NPAS2: variants seen among roughly 807,000 people sequenced by gnomAD.
NPAS2 encodes neuronal PAS domain-containing protein 2.
NPAS2 carries 23 observed loss-of-function variants against 107.5 expected under a neutral mutation model. The ratio of observed to expected loss-of-function variants is 0.21; its 90% CI spans 0.15 to 0.30. The LOEUF is 0.30. NPAS2 is among the 10% of genes least tolerant of loss of function. NPAS2 has a pLI of 1.00. For missense variants in NPAS2, 756 were observed against 1,043.3 expected (o/e 0.72, Z 3.79); for synonymous variants, 403 against 417.5 (o/e 0.97, Z 0.42).
chr2:100,876,757 G>C (rs1312508253), intron 1 of NPAS2, among the ~76,000 whole-genome samples: 1 of 152,074 alleles, frequency 6.6e-6, no homozygotes, highest in African/African-American at 2.4e-5. Flanking sequence ...TCGCCTGTCT[G>C]GAAAACAGGT....
Position 100,988,066 on chromosome 2 carries a change from A to G in NPAS2, c.1630-13A>G, listed in dbSNP as rs375730402. On this transcript the variant is annotated splice_polypyrimidine_tract_variant and intron_variant, in intron 16 of 20. Coordinates refer to ENST00000335681, the MANE Select transcript of NPAS2 (RefSeq NM_002518.4). ...TGACCCCAACTTCACAGGCATTTCT[A>G]TTCTGCTCCCAGATGTTCCTGCAGC... 9.9e-6 allele frequency: 16 copies of G among 1,613,096 alleles called. No individual in the cohort carries two copies. The African/African-American group carries it at 1.5e-4, about 15-fold the overall frequency.
At position 100,881,507 on chromosome 2, in the gene NPAS2, G is replaced by A. The variant is rs189438505; in HGVS notation, c.-22-23226G>A. On this transcript the variant is annotated intron_variant, in intron 1 of 20. Transcript: ENST00000335681. Reference sequence around the variant, plus strand: ...TTGAGACCAGGCTGGCCAACGTGGCGAAACCCCATCTCTAGTAAAAATACA... The same window carrying A: ...TTGAGACCAGGCTGGCCAACGTGGCAAAACCCCATCTCTAGTAAAAATACA... Among the ~76,000 whole-genome samples the A allele has an allele frequency of 1.1e-3, 166 of 152,288 alleles. 1 individual carries two copies. The highest frequency in any genetic ancestry group is 3.8e-3 in the African/African-American group (158 of 41,574).
chr2:100,831,874 A>T (rs570246507), intron 1 of NPAS2, among the ~76,000 whole-genome samples: 9 of 152,214 alleles, frequency 5.9e-5, no homozygotes, highest in Middle Eastern at 6.8e-3. Flanking sequence ...CCTGCATTTT[A>T]CATCTCCTTC....
chr2:100,843,307 T>C (rs1677565321), intron 1 of NPAS2, among the ~76,000 whole-genome samples: 1 of 152,100 alleles, frequency 6.6e-6, no homozygotes, highest in South Asian at 2.1e-4. Context: ...CTGATCAAAG[T>C]CCAAAGTCTC....
At chr2:100,930,468 G>A (rs1017057762) in intron 3 of NPAS2, among the ~76,000 whole-genome samples, 1 of 152,176 alleles carries the variant, frequency 6.6e-6, no homozygotes, top group African/African-American at 2.4e-5. Context: ...AGTAGAATTT[G>A]GGGGGTTGGC....
At chr2:100,943,733 A>T (rs1674718901) in intron 5 of NPAS2, among the ~76,000 whole-genome samples, 1 of 152,224 alleles carries the variant, frequency 6.6e-6, no homozygotes, top group Admixed American at 6.5e-5. Context: ...CTACTCAGGG[A>T]TGAGCAGAAA....
intron 2 of NPAS2, among the ~76,000 whole-genome samples, chr2:100,916,018 T>C (rs776154615): frequency 6.6e-6 from 1 of 152,164 alleles, no homozygotes; most frequent in Non-Finnish European, 1.5e-5. Flanking sequence ...TGATAAAATA[T>C]TCTAAGTGGA....
At chr2:100,834,933 T>G (rs928869278) in intron 1 of NPAS2, among the ~76,000 whole-genome samples, 4 of 152,242 alleles carry the variant, frequency 2.6e-5, no homozygotes, top group African/African-American at 7.2e-5. Flanking sequence ...CAGGCTGGTC[T>G]CAAACTCCTG....
chr2:100,992,220 T>A (rs1678175432), intron 19 of NPAS2, among the ~76,000 whole-genome samples: 1 of 152,192 alleles, frequency 6.6e-6, no homozygotes, highest in Non-Finnish European at 1.5e-5. Flanking sequence ...TCAAGACCAG[T>A]CTGGCCAACA....
In NPAS2 at chr2:100,839,131, ATTG is replaced by A. The variant is rs528640837; in HGVS notation, c.-23+18729_-23+18731del. On this transcript the variant is annotated intron_variant, in intron 1 of 20. Coordinates refer to ENST00000335681, the MANE Select transcript of NPAS2 (RefSeq NM_002518.4). The stretch of plus-strand genomic sequence containing the variant: ...GAGGATGAAGACTTGTTTTGTTGTT[ATTG>A]TTGTTGTTGTTTTTGAGACAGTCTC... Among the ~76,000 whole-genome samples, 20 of 151,592 alleles carry A rather than the reference ATTG, an allele frequency of 1.3e-4. No individual in the cohort carries two copies. The East Asian group carries it at 1.4e-3, about 10-fold the overall frequency.
intron 7 of NPAS2, among the ~76,000 whole-genome samples, chr2:100,961,041 T>C (rs1675887055): frequency 6.6e-6 from 1 of 152,096 alleles, no homozygotes; most frequent in Non-Finnish European, 1.5e-5. Flanking sequence ...ATATTGTGAG[T>C]GGTCAGAGAT....
intron 1 of NPAS2, among the ~76,000 whole-genome samples, chr2:100,899,647 G>A (rs753251402): frequency 6.6e-6 from 1 of 152,120 alleles, no homozygotes. Context: ...TGCATTTTCT[G>A]TAAATCTAAA....
At chr2:100,947,798 T>C (rs996750414) in intron 5 of NPAS2, among the ~76,000 whole-genome samples, 2 of 152,218 alleles carry the variant, frequency 1.3e-5, no homozygotes, top group African/African-American at 4.8e-5. Context: ...CTTTACGAAG[T>C]AGACTGGCAG....
chr2:100,954,023 G>A (rs12373724), intron 7 of NPAS2, among the ~76,000 whole-genome samples: 50,467 of 152,086 alleles, frequency 0.33, 8,604 homozygotes, highest in Middle Eastern at 0.5. Context: ...GGGCCACACA[G>A]AGAAGCACCG....
intron 1 of NPAS2, among the ~76,000 whole-genome samples, chr2:100,881,457 A>G (rs780013420): frequency 7.2e-5 from 11 of 152,246 alleles, no homozygotes; most frequent in Non-Finnish European, 1.5e-4. Flanking sequence ...AGGCCAAGGC[A>G]GGCAGATCAC....
At chr2:100,946,037 C>G (rs1401061972) in intron 5 of NPAS2, among the ~76,000 whole-genome samples, 1 of 152,186 alleles carries the variant, frequency 6.6e-6, no homozygotes. Context: ...GCGGAATGCT[C>G]AACTCAGCAC....
At chr2:100,944,847 G>A (rs949708539) in intron 5 of NPAS2, among the ~76,000 whole-genome samples, 1 of 152,130 alleles carries the variant, frequency 6.6e-6, no homozygotes, top group African/African-American at 2.4e-5. Context: ...ACCTGTATCA[G>A]TAAAGTTCTC....
intron 1 of NPAS2, among the ~76,000 whole-genome samples, chr2:100,859,128 G>C (rs1036959120): frequency 8.5e-5 from 13 of 152,210 alleles, no homozygotes; most frequent in Non-Finnish European, 1.8e-4. Flanking sequence ...GCCGGGCATG[G>C]TAACATGCGC....
intron 7 of NPAS2, among the ~76,000 whole-genome samples, chr2:100,958,115 G>A (rs1011380873): frequency 6.6e-6 from 1 of 152,058 alleles, no homozygotes; most frequent in African/African-American, 2.4e-5. Flanking sequence ...TTCCAAATAG[G>A]TCACCCTCGG....
Sources: allele counts gnomAD v4.1 joint callset (sites outside exome capture counted in the v4.1 genomes callset), GRCh38; gene constraint gnomAD v4.1.1; transcripts MANE v1.5; gene names NCBI Gene and HGNC (gene_info 2026-07-23, HGNC 2026-07-21).